Variants in LDLRAD3 observed in about 807,000 individuals in gnomAD.
LDLRAD3 encodes the protein low-density lipoprotein receptor class A domain-containing protein 3.
A neutral mutation model predicts 29.4 loss-of-function variants in LDLRAD3; 20 were observed. The ratio of observed to expected loss-of-function variants is 0.68; its 90% CI spans 0.48 to 0.99. The LOEUF (loss-of-function observed/expected upper bound fraction) is 0.99, where lower values mean the gene tolerates loss of function less well. Among genes scored for constraint, LDLRAD3 ranks in the 50% least tolerant of loss-of-function variants. LDLRAD3 has a pLI of 0.00. For synonymous variants in LDLRAD3, 157 were observed against 192.7 expected, an observed-to-expected ratio of 0.81 and a Z score of 1.53; for missense variants, 420 against 454.3, an observed-to-expected ratio of 0.92 and a Z score of 0.69.
intron 4 of LDLRAD3, among the ~76,000 whole-genome samples, chr11:36,203,027 C>G (rs1288241100): frequency 6.6e-6 from 1 of 152,154 alleles, no homozygotes; most frequent in African/African-American, 2.4e-5. Context: ...ACCTCAAACT[C>G]CTGGGCTCAA....
At chr11:36,041,662 G>C (rs924242992) in intron 2 of LDLRAD3, among the ~76,000 whole-genome samples, 1 of 152,138 alleles carries the variant, frequency 6.6e-6, no homozygotes, top group African/African-American at 2.4e-5. Context: ...AACCCACAGG[G>C]GACCAGGGGT....
chr11:36,145,830 C>T lies in LDLRAD3; in HGVS notation c.454+47369C>T, dbSNP rs1298105180. ...CAGCATGCTGGTTAAGAGTCATCGC[C>T]ACTCCCTAATCTCAAGTACCCAGGG... On this transcript the variant is annotated intron_variant, in intron 4 of 5. Coordinates refer to ENST00000315571, the MANE Select transcript of LDLRAD3 (RefSeq NM_174902.4). Among the ~76,000 whole-genome samples, 37 of 150,634 alleles carry T rather than the reference C, an allele frequency of 2.5e-4. No homozygotes were observed. In the Middle Eastern group the frequency reaches 0.01, roughly 42 times the overall value.
At chr11:36,122,036 A>G (rs568252504) in intron 4 of LDLRAD3, among the ~76,000 whole-genome samples, 22 of 152,318 alleles carry the variant, frequency 1.4e-4, no homozygotes, top group Admixed American at 1.2e-3. Flanking sequence ...AGACAATGGG[A>G]TAGGCATGAG....
rs74914165 is a variant in LDLRAD3, at chr11:36,180,224, G to C, written c.455-46861G>C. 7.0e-3 allele frequency among the ~76,000 whole-genome samples: 1,072 copies of C among 152,060 alleles called. 10 individuals are homozygous for C. The highest frequency in any genetic ancestry group is 0.012 in the Non-Finnish European group (785 of 68,010). On this transcript the variant is annotated intron_variant, in intron 4 of 5. Transcript: ENST00000315571. ...AAGTCAGCAGCTCTTCTTCAGCTGG[G>C]ATTTGTCTGCCTCTTCACTCTCTTC...
At chr11:36,055,756 G>T (rs912717449) in intron 2 of LDLRAD3, among the ~76,000 whole-genome samples, 1 of 152,212 alleles carries the variant, frequency 6.6e-6, no homozygotes, top group South Asian at 2.1e-4. Flanking sequence ...TTTCTCAGCC[G>T]TAGTTTTCTC....
intron 1 of LDLRAD3, among the ~76,000 whole-genome samples, chr11:35,995,652 C>T (rs1851744418): frequency 6.6e-6 from 1 of 152,202 alleles, no homozygotes; most frequent in Non-Finnish European, 1.5e-5. Context: ...GCATCTTCTT[C>T]CAAAAGAAGG....
chr11:36,029,889 G>A (rs1473425633), intron 1 of LDLRAD3, among the ~76,000 whole-genome samples: 1 of 152,172 alleles, frequency 6.6e-6, no homozygotes, highest in Non-Finnish European at 1.5e-5. Context: ...CCCGGTGACT[G>A]GCTCCATCCA....
chr11:36,217,299 A>G (rs1855366186), intron 4 of LDLRAD3, among the ~76,000 whole-genome samples: 1 of 152,112 alleles, frequency 6.6e-6, no homozygotes, highest in Non-Finnish European at 1.5e-5. Context: ...TATTTCCCAG[A>G]TTGTGGTGAG....
intron 3 of LDLRAD3, among the ~76,000 whole-genome samples, chr11:36,092,875 G>A (rs1853304022): frequency 6.6e-6 from 1 of 152,208 alleles, no homozygotes; most frequent in South Asian, 2.1e-4. Context: ...TGATGGTTGG[G>A]AGGCATTTTT....
At chr11:35,984,988 G>A (rs1590705606) in intron 1 of LDLRAD3, among the ~76,000 whole-genome samples, 1 of 144,930 alleles carries the variant, frequency 6.9e-6, no homozygotes, top group African/African-American at 2.6e-5. Context: ...GCAGTGGCAT[G>A]AACATAGCTC....
At chr11:36,117,090 C>T (rs1338953194) in intron 4 of LDLRAD3, among the ~76,000 whole-genome samples, 3 of 152,058 alleles carry the variant, frequency 2.0e-5, no homozygotes, top group Non-Finnish European at 2.9e-5. Context: ...ATCTACCCAC[C>T]AGTGATCTGC....
At chr11:36,030,435 AGTGTGTGTGTGTGTGTGTGT>A (rs3080139) in intron 1 of LDLRAD3, among the ~76,000 whole-genome samples, 68 of 147,806 alleles carry the variant, frequency 4.6e-4, no homozygotes, top group Non-Finnish European at 6.3e-4. Flanking sequence ...CTGTGCATGG[AGTGTGTGTGTGTGTGTGTGT>A]GTGTGTGTGT....
chr11:36,026,807 G>C (rs1269907714), intron 1 of LDLRAD3, among the ~76,000 whole-genome samples: 2 of 152,146 alleles, frequency 1.3e-5, no homozygotes, highest in African/African-American at 2.4e-5. Flanking sequence ...AAATGGGGAG[G>C]AGTCCTCACT....
rs34312180 is a variant in LDLRAD3 at position 36,045,722 on chromosome 11, GT to G, written c.193+9488del. Among the ~76,000 whole-genome samples, 881 of 138,564 alleles carry G rather than the reference GT, an allele frequency of 6.4e-3. 14 individuals are homozygous for G. In the East Asian group the frequency reaches 0.083, roughly 13 times the overall value. The allele number at this position is 138,564 out of a possible 152,430, so 90.9% of individuals were successfully genotyped here. A position where few individuals can be genotyped will look rare whatever the true frequency, so the allele number is the denominator to read the frequency against. ...GAATAAGTCTCACGAGATCTGATGGGTTTTTTTTTTTTTTTCATTTCAAAAA... is the reference window on the plus strand; with the variant it reads ...GAATAAGTCTCACGAGATCTGATGGGTTTTTTTTTTTTTTCATTTCAAAAA... On this transcript the variant is annotated intron_variant, in intron 2 of 5. Coordinates refer to ENST00000315571, the MANE Select transcript of LDLRAD3 (RefSeq NM_174902.4).
At chr11:35,989,390 T>A (rs1851659564) in intron 1 of LDLRAD3, among the ~76,000 whole-genome samples, 1 of 152,228 alleles carries the variant, frequency 6.6e-6, no homozygotes, top group Non-Finnish European at 1.5e-5. Flanking sequence ...TTAGAATTAC[T>A]TTTCTCTAAT....
chr11:36,188,984 T>C (rs1854897930), intron 4 of LDLRAD3, among the ~76,000 whole-genome samples: 1 of 151,856 alleles, frequency 6.6e-6, no homozygotes, highest in East Asian at 1.9e-4. Context: ...TTTTTTTTTT[T>C]CCATTTTTTA....
intron 2 of LDLRAD3, among the ~76,000 whole-genome samples, chr11:36,041,486 C>T (rs998299686): frequency 2.6e-5 from 4 of 152,226 alleles, no homozygotes; most frequent in Non-Finnish European, 5.9e-5. Context: ...ATTATCATGT[C>T]AAACCTGCTT....
At chr11:35,994,895 T>C (rs1851734710) in intron 1 of LDLRAD3, among the ~76,000 whole-genome samples, 1 of 152,226 alleles carries the variant, frequency 6.6e-6, no homozygotes, top group Non-Finnish European at 1.5e-5. Flanking sequence ...GTTCCTGAGA[T>C]TGCATCAATT....
intron 4 of LDLRAD3, among the ~76,000 whole-genome samples, chr11:36,106,886 G>A (rs1266803921): frequency 5.3e-5 from 8 of 152,060 alleles, no homozygotes; most frequent in Non-Finnish European, 1.0e-4. Flanking sequence ...GCTTTGGCCC[G>A]TGGTGTGTTG....
Sources: allele counts gnomAD v4.1 joint callset (sites outside exome capture counted in the v4.1 genomes callset), GRCh38; gene constraint gnomAD v4.1.1; transcripts MANE v1.5; gene names NCBI Gene and HGNC (gene_info 2026-07-23, HGNC 2026-07-21).